Variants in MOBP observed in about 807,000 individuals in gnomAD.
MOBP encodes the protein myelin-associated oligodendrocyte basic protein.
A neutral mutation model predicts 15.0 loss-of-function variants in MOBP; 5 were observed. The observed-to-expected ratio is 0.33, with a 90% confidence interval of 0.17 to 0.70. The LOEUF is 0.70. MOBP is among the 30% of genes least tolerant of loss of function. The pLI is 0.67. For synonymous variants in MOBP, 88 were observed against 99.0 expected (o/e 0.89, Z 0.66); for missense variants, 188 against 257.8 (o/e 0.73, Z 1.85).
At chr3:39,513,390 A>G (rs1284424309) in exon 5 of MOBP, 8 of 1,614,088 alleles carry the variant, frequency 5.0e-6, no homozygotes, top group Non-Finnish European at 6.8e-6. Context: ...CAGATTGAAA[A>G]GGAAGATCAG....
At position 39,502,863 on chromosome 3, in the gene MOBP, G is replaced by A. The variant is rs1373757030; in HGVS notation, c.535G>A (p.Ala179Thr). 1.6e-5 allele frequency: 22 copies of A among 1,368,018 alleles called. No homozygotes were observed. Among genetic ancestry groups the A allele is most frequent in the Admixed American group, 2.2e-5 (1 of 44,946 alleles). 84.7% of individuals were successfully genotyped at this position (1,368,018 alleles called of 1,614,324 possible). Residue 179 changes from alanine (A) to threonine (T), a missense_variant, in exon 4 of 4, where the codon GCT (alanine) becomes ACT (threonine). Coordinates refer to ENST00000684792, the MANE Select transcript of MOBP (RefSeq NM_001393704.1). The surrounding 1 kb of genome is among the most constrained non-coding windows in gnomAD (Gnocchi z 6.3). ...CAGCCGTGGGGGGTCCCCCGTCAAA[G>A]CTTCTAGGTTCTGGTAACACCATCT... Reference protein sequence around the residue: ...GASRGGSPVKASRFW With the variant: ...GASRGGSPVKTSRFW
At chr3:39,472,508 C>T (rs1225536054) in intron 1 of MOBP, among the ~76,000 whole-genome samples, 1 of 152,082 alleles carries the variant, frequency 6.6e-6, no homozygotes, top group Non-Finnish European at 1.5e-5. Context: ...TCATCTGGGC[C>T]GTAAAAGTCA....
At chr3:39,491,976 G>A (rs1383933252) in intron 2 of MOBP, among the ~76,000 whole-genome samples, 3 of 152,164 alleles carry the variant, frequency 2.0e-5, no homozygotes, top group African/African-American at 7.2e-5. Context: ...GGCCCTGCAA[G>A]CCTCTAGAAA....
downstream of MOBP, among the ~76,000 whole-genome samples, chr3:39,506,561 T>A (rs2043050598): frequency 6.6e-6 from 1 of 152,140 alleles, no homozygotes; most frequent in Non-Finnish European, 1.5e-5. Context: ...GACATGTGCG[T>A]CAGTTATCTT....
chr3:39,522,888 A>G (rs1559431699), intron 3 of MOBP, among the ~76,000 whole-genome samples: 1 of 152,358 alleles, frequency 6.6e-6, no homozygotes, highest in East Asian at 1.9e-4. Flanking sequence ...CCTAGTGGGA[A>G]ATAAAGCACT....
chr3:39,509,532 T>G (rs1164109607), intron 4 of MOBP, among the ~76,000 whole-genome samples: 1 of 152,212 alleles, frequency 6.6e-6, no homozygotes, highest in Non-Finnish European at 1.5e-5. Context: ...AAATCTCTGC[T>G]TAAATCTTCT....
intron 2 of MOBP, among the ~76,000 whole-genome samples, chr3:39,486,748 C>T (rs2042716323): frequency 6.6e-6 from 1 of 152,102 alleles, no homozygotes; most frequent in Non-Finnish European, 1.5e-5. Flanking sequence ...TGACTTCCTC[C>T]TCTGTAAACT....
rs1416625311 is a variant in MOBP, at chr3:39,468,830, T to A, written c.-89+1090T>A. On this transcript the variant is annotated intron_variant, in intron 1 of 3. Transcript: ENST00000684792. ...TATGTGTGTGTATACATATTACATATGTGTGTATATATACATATATACATG... is the reference window on the plus strand; with the variant it reads ...TATGTGTGTGTATACATATTACATAAGTGTGTATATATACATATATACATG... 1.0e-4 allele frequency among the ~76,000 whole-genome samples: 12 copies of A among 117,030 alleles called. 2 individuals are homozygous for A. The highest frequency in any genetic ancestry group is 5.1e-4 in the African/African-American group (10 of 19,618). 76.8% of individuals were successfully genotyped at this position (117,030 alleles called of 152,430 possible).
chr3:39,523,933 A>G (rs1365226409), intron 3 of MOBP, among the ~76,000 whole-genome samples: 2 of 152,230 alleles, frequency 1.3e-5, no homozygotes, highest in African/African-American at 4.8e-5. Context: ...GCGCAATTGT[A>G]CAAACCGAGG....
At chr3:39,469,278 A>T (rs1398852913) in intron 1 of MOBP, among the ~76,000 whole-genome samples, 1 of 123,460 alleles carries the variant, frequency 8.1e-6, no homozygotes, top group Admixed American at 8.2e-5. Context: ...GTATAGATAT[A>T]TATACATATG....
chr3:39,475,666 A>G (rs2042535760), intron 1 of MOBP, among the ~76,000 whole-genome samples: 1 of 152,190 alleles, frequency 6.6e-6, no homozygotes, highest in Admixed American at 6.5e-5. Context: ...ATAATCCAAT[A>G]CTATTCTTAT....
At chr3:39,489,489 G>A (rs2042762951) in intron 2 of MOBP, among the ~76,000 whole-genome samples, 1 of 152,158 alleles carries the variant, frequency 6.6e-6, no homozygotes, top group African/African-American at 2.4e-5. Context: ...CATCTTATGT[G>A]TATATTCTTT....
chr3:39,475,534 T>G (rs1333497585), intron 1 of MOBP, among the ~76,000 whole-genome samples: 2 of 152,216 alleles, frequency 1.3e-5, no homozygotes, highest in Non-Finnish European at 2.9e-5. Context: ...TCATTACTTC[T>G]ACATTCATTA....
chr3:39,469,133 TGTGTATA>T, intron 1 of MOBP, among the ~76,000 whole-genome samples: 2 of 90,178 alleles, frequency 2.2e-5, no homozygotes, highest in East Asian at 4.9e-4. Flanking sequence ...TACATATGTG[TGTGTATA>T]TACATATATA....
Position 39,502,235 on chromosome 3 carries a change from A to C in MOBP, c.166A>C (p.Lys56Gln). 1.9e-6 allele frequency: 3 copies of C among 1,614,196 alleles called. No individual in the cohort carries two copies. Among genetic ancestry groups the C allele is most frequent in the Non-Finnish European group, 2.5e-6 (3 of 1,180,044 alleles). Reference protein sequence around the residue: ...ICKSGCFYQKKEEDWICCACQ... With the variant: ...ICKSGCFYQKQEEDWICCACQ... ...TAAGAGCGGCTGCTTCTACCAGAAGAAAGAGGAGGACTGGATCTGCTGCGC... is the reference window on the plus strand; with the variant it reads ...TAAGAGCGGCTGCTTCTACCAGAAGCAAGAGGAGGACTGGATCTGCTGCGC... Residue 56 changes from lysine (K) to glutamine (Q), a missense_variant, in exon 3 of 4, where the codon AAA (lysine) becomes CAA (glutamine). Lys to Gln is a moderately conservative substitution (Grantham distance 53). Coordinates refer to ENST00000684792, the MANE Select transcript of MOBP (RefSeq NM_001393704.1). The surrounding 1 kb of genome is among the most constrained non-coding windows in gnomAD (Gnocchi z 6.3).
At chr3:39,497,202 T>C (rs1024170800) in intron 2 of MOBP, among the ~76,000 whole-genome samples, 4 of 152,238 alleles carry the variant, frequency 2.6e-5, no homozygotes, top group Non-Finnish European at 5.9e-5. Flanking sequence ...GAAGTGCCTG[T>C]AGGTCACACT....
chr3:39,476,400 G>A (rs1708100), intron 1 of MOBP, among the ~76,000 whole-genome samples: 41,590 of 152,038 alleles, frequency 0.27, 7,232 homozygotes, highest in African/African-American at 0.49. Context: ...GGAAATCTGT[G>A]TGTGTATACT....
chr3:39,477,705 C>T (rs377301111), intron 1 of MOBP, among the ~76,000 whole-genome samples: 19 of 151,490 alleles, frequency 1.3e-4, no homozygotes, highest in Admixed American at 3.3e-4. Flanking sequence ...ATGACAGCTC[C>T]ATGTGTGTTA....
rs1372133750 is a variant in MOBP at position 39,475,049 on chromosome 3, C to A, written c.-88-4991C>A. On this transcript the variant is annotated intron_variant, in intron 1 of 3. Transcript: ENST00000684792. The stretch of plus-strand genomic sequence containing the variant: ...GGTACTAATCCAGGATCTTGCATTG[C>A]ATTTAGTTATCAGGTCTCTTTAATT... Among the ~76,000 whole-genome samples, 3 of 152,308 alleles carry A rather than the reference C, an allele frequency of 2.0e-5. No homozygotes were observed. The South Asian group carries it at 6.2e-4, about 32-fold the overall frequency.
Sources: gnomAD v4.1 joint callset for allele counts (sites outside exome capture counted in the v4.1 genomes callset) on GRCh38, gnomAD v4.1.1 for gene constraint, Gnocchi (gnomAD v3.1) non-coding constraint, MANE v1.5 for transcripts, NCBI Gene and HGNC (gene_info 2026-07-23, HGNC 2026-07-21) for gene names.